TLN2: variants seen among roughly 807,000 people sequenced by gnomAD.
TLN2 encodes the protein talin-2.
In TLN2, 118 loss-of-function variants were observed where a neutral mutation model predicts 294.7. The ratio of observed to expected loss-of-function variants is 0.40; its 90% confidence interval spans 0.34 to 0.47. The LOEUF (loss-of-function observed/expected upper bound fraction) is 0.47. Among genes scored for constraint, TLN2 ranks in the 20% least tolerant of loss-of-function variants. The probability of loss-of-function intolerance (pLI) is 0.84; values close to 1 mark genes in which losing one functional copy is unlikely to be tolerated. For missense variants in TLN2, 3,083 were observed against 3,282.2 expected, an observed-to-expected ratio of 0.94 and a Z score of 1.48; for synonymous variants, 1,431 against 1,304.5, an observed-to-expected ratio of 1.10 and a Z score of -2.09.
chr15:62,822,180 C>T (rs920904915), intron 54 of TLN2, among the ~76,000 whole-genome samples: 3 of 152,178 alleles, frequency 2.0e-5, no homozygotes, highest in Non-Finnish European at 4.4e-5. Flanking sequence ...CACTTCACGA[C>T]TCCAGATGGG....
chr15:62,840,702 C>A lies in TLN2; in HGVS notation c.*92C>A, dbSNP rs1017031871. The stretch of plus-strand genomic sequence containing the variant: ...AGAGGCTGGGCACTTAGCTGGAAAC[C>A]GCCCACCTCCCTCCCGGGTGAGCCT... On this transcript the variant is annotated 3_prime_UTR_variant, in exon 59 of 59. Transcript: ENST00000636159. 2 of 1,507,188 alleles carry A rather than the reference C, an allele frequency of 1.3e-6. No individual in the cohort carries two copies. Among genetic ancestry groups the A allele is most frequent in the African/African-American group, 2.8e-5 (2 of 71,528 alleles). 93.4% of individuals were successfully genotyped at this position (1,507,188 alleles called of 1,614,324 possible).
At chr15:62,433,998 G>A (rs535848496) in intron 1 of TLN2, among the ~76,000 whole-genome samples, 19 of 82,478 alleles carry the variant, frequency 2.3e-4, no homozygotes, top group Admixed American at 1.6e-3. Flanking sequence ...CCCCGCCCCC[G>A]CCCAAAAAAA....
chr15:62,591,838 G>A lies in TLN2; in HGVS notation c.-162+2076G>A, dbSNP rs140076862. 5.3e-5 allele frequency among the ~76,000 whole-genome samples: 8 copies of A among 152,268 alleles called. No individual in the cohort carries two copies. The East Asian group carries it at 1.2e-3, about 22-fold the overall frequency. On this transcript the variant is annotated intron_variant, in intron 2 of 58. Transcript: ENST00000636159. ...ATGGCAATGGGATCAGGTGTGCTCA[G>A]GATGGAGAAGAGCTTTCCTGACCAG...
At chr15:62,825,784 A>ATAT (rs1304905313) in intron 54 of TLN2, among the ~76,000 whole-genome samples, 3 of 14,610 alleles carry the variant, frequency 2.1e-4, no homozygotes, top group African/African-American at 6.2e-4. Context: ...ATAATATATT[A>ATAT]TATATTATAA....
intron 11 of TLN2, among the ~76,000 whole-genome samples, chr15:62,676,869 C>CGGA: frequency 6.6e-6 from 1 of 152,214 alleles, no homozygotes; most frequent in South Asian, 2.1e-4. Context: ...CCCACCTTGG[C>CGGA]CTCCCAAAGT....
intron 3 of TLN2, among the ~76,000 whole-genome samples, chr15:62,618,854 T>C (rs2048529630): frequency 6.6e-6 from 1 of 152,224 alleles, no homozygotes; most frequent in South Asian, 2.1e-4. Flanking sequence ...AGAACAAAGG[T>C]TCAGTTAGAA....
chr15:62,501,521 G>T (rs368846867), intron 1 of TLN2, among the ~76,000 whole-genome samples: 6 of 152,144 alleles, frequency 3.9e-5, no homozygotes, highest in African/African-American at 1.2e-4. Flanking sequence ...ACACTGCCCC[G>T]GGAAAACGTT....
At chr15:62,641,773 T>C (rs1009655233) in intron 3 of TLN2, among the ~76,000 whole-genome samples, 1 of 152,224 alleles carries the variant, frequency 6.6e-6, no homozygotes, top group African/African-American at 2.4e-5. Context: ...AGATGGCAGT[T>C]AAGTGACCAG....
intron 32 of TLN2, 133 bp from the exon 33 acceptor site, chr15:62,748,218 C>T (rs2061722262): frequency 3.0e-6 from 2 of 673,216 alleles, no homozygotes; most frequent in African/African-American, 3.6e-5. Flanking sequence ...TGTAGAGCCT[C>T]TGCAGAAGAG....
chr15:62,538,585 C>G (rs1214107012), intron 1 of TLN2, among the ~76,000 whole-genome samples: 2 of 152,116 alleles, frequency 1.3e-5, no homozygotes, highest in Admixed American at 6.5e-5. Flanking sequence ...GGACCCCTTT[C>G]AAACATCCTT....
At chr15:62,836,242 C>A (rs1292349364) in intron 57 of TLN2, 169 bp downstream of exon 57, 2 of 922,052 alleles carry the variant, frequency 2.2e-6, no homozygotes, top group Non-Finnish European at 3.3e-6. Flanking sequence ...TCCACTGCTG[C>A]CCCACCACGC....
At position 62,823,614 on chromosome 15, in the gene TLN2, C is replaced by G. The variant is rs565085280; in HGVS notation, c.7002+3004C>G. ...ATTTTGTCTAAAATGCTCTGCTCAC[C>G]ACCGTCTCAGGTTGCCTGTTTTTAA... On this transcript the variant is annotated intron_variant, in intron 54 of 58. Coordinates refer to ENST00000636159, the MANE Select transcript of TLN2 (RefSeq NM_015059.3). Among the ~76,000 whole-genome samples, 21 of 152,300 alleles carry G rather than the reference C, an allele frequency of 1.4e-4. No homozygotes were observed. In the South Asian group the frequency reaches 3.9e-3, roughly 29 times the overall value.
chr15:62,763,506 A>G, intron 39 of TLN2, 57 bp from the exon 40 acceptor site: 1 of 1,549,354 alleles, frequency 6.5e-7, no homozygotes, highest in South Asian at 1.2e-5. Context: ...GTGCTGGAGC[A>G]GGCTGTGGGA....
At chr15:62,414,530 C>G (rs979423899) in intron 1 of TLN2, among the ~76,000 whole-genome samples, 1 of 140,304 alleles carries the variant, frequency 7.1e-6, no homozygotes. Context: ...CTGAACCATA[C>G]GCTCTGGGCT....
In TLN2 at chr15:62,820,739, C is replaced by T. The variant is rs996450322; in HGVS notation, c.7002+129C>T. On this transcript the variant is annotated intron_variant, in intron 54 of 58. Transcript: ENST00000636159. ...ATGGTCAGACTAGCAAGCAGAAAAC[C>T]GGATCTACCTGCCCGGCACTGCTTT... The T allele has an allele frequency of 9.2e-5, 114 of 1,234,398 alleles. No homozygotes were observed. In the African/African-American group the frequency reaches 9.9e-4, roughly 11 times the overall value. 76.5% of individuals were successfully genotyped at this position (1,234,398 alleles called of 1,614,324 possible). A position where few individuals can be genotyped will look rare whatever the true frequency, so the allele number is the denominator to read the frequency against.
At chr15:62,505,280 C>T (rs1480943955) in intron 1 of TLN2, among the ~76,000 whole-genome samples, 1 of 152,126 alleles carries the variant, frequency 6.6e-6, no homozygotes, top group African/African-American at 2.4e-5. Flanking sequence ...TTACTGGTAC[C>T]TTCAGAGGAT....
chr15:62,643,845 G>T (rs990613418), intron 3 of TLN2, among the ~76,000 whole-genome samples: 1 of 152,094 alleles, frequency 6.6e-6, no homozygotes, highest in Non-Finnish European at 1.5e-5. Context: ...GACCCGGGCA[G>T]CCATGTGCAC....
At chr15:62,721,886 T>G (rs1242412358) in intron 25 of TLN2, among the ~76,000 whole-genome samples, 1 of 152,244 alleles carries the variant, frequency 6.6e-6, no homozygotes, top group African/African-American at 2.4e-5. Flanking sequence ...TTGAAAAATA[T>G]GTACATGCAC....
chr15:62,398,893 G>A (rs768179139), intron 1 of TLN2, among the ~76,000 whole-genome samples: 7 of 152,114 alleles, frequency 4.6e-5, no homozygotes, highest in Non-Finnish European at 1.0e-4. Context: ...GCAGAAATTT[G>A]CATAAGTAAC....
Sources: gnomAD v4.1 joint callset for allele counts (sites outside exome capture counted in the v4.1 genomes callset) on GRCh38, gnomAD v4.1.1 for gene constraint, MANE v1.5 for transcripts, NCBI Gene and HGNC (gene_info 2026-07-23, HGNC 2026-07-21) for gene names.